The following P4HA3 variants were observed in gnomAD, a reference collection of about 807,000 sequenced individuals.
The protein encoded by P4HA3 is prolyl 4-hydroxylase subunit alpha-3.
P4HA3 carries 60 observed loss-of-function variants against 66.7 expected under a neutral mutation model. The observed-to-expected ratio is 0.90, with a 90% CI of 0.73 to 1.12. The LOEUF (loss-of-function observed/expected upper bound fraction) is 1.12. Among genes scored for constraint, P4HA3 ranks in the 50% most tolerant of loss-of-function variants. P4HA3 has a pLI of 0.00. For missense variants in P4HA3, 683 were observed against 685.8 expected, an observed-to-expected ratio of 1.00 and a Z score of 0.05; for synonymous variants, 263 against 274.6, an observed-to-expected ratio of 0.96 and a Z score of 0.42.
At chr11:74,275,546 A>G (rs1056523306) in intron 9 of P4HA3, among the ~76,000 whole-genome samples, 10 of 152,100 alleles carry the variant, frequency 6.6e-5, no homozygotes, top group Non-Finnish European at 5.9e-5. Context: ...CTCTCCTTAC[A>G]CTGGTACCAC....
intron 7 of P4HA3, among the ~76,000 whole-genome samples, chr11:74,281,930 T>C (rs1402007374): frequency 6.8e-6 from 1 of 147,738 alleles, no homozygotes; most frequent in African/African-American, 2.5e-5. Flanking sequence ...AAAAAATAAA[T>C]AAAATGCAGC....
Position 74,287,397 on chromosome 11 carries a change from T to C in P4HA3, c.770-1006A>G, listed in dbSNP as rs1021972867. Reference sequence around the variant, plus strand: ...TTATAAGCCCAAACCCCAGTGAAAATATTGCAAAGCCGGAAATAAAACTGG... The same window carrying C: ...TTATAAGCCCAAACCCCAGTGAAAACATTGCAAAGCCGGAAATAAAACTGG... On this transcript the variant is annotated intron_variant, in intron 5 of 12. Coordinates refer to ENST00000331597, the MANE Select transcript of P4HA3 (RefSeq NM_182904.5). The C allele has an allele frequency of 8.0e-6, 9 of 1,130,808 alleles. No homozygotes were observed. The South Asian group carries it at 1.0e-4, about 13-fold the overall frequency. The allele number at this position is 1,130,808 out of a possible 1,614,324, so 70.0% of individuals were successfully genotyped here. A position where few individuals can be genotyped will look rare whatever the true frequency, so the allele number is the denominator to read the frequency against.
At chr11:74,255,219 G>C (rs1271473373) in intron 15 of P4HA3, among the ~76,000 whole-genome samples, 1 of 152,154 alleles carries the variant, frequency 6.6e-6, no homozygotes, top group Non-Finnish European at 1.5e-5. Context: ...CATCTCTCCA[G>C]TTGTCCAAAC....
chr11:74,287,390 G>T (rs917478999), intron 5 of P4HA3: 2 of 1,163,890 alleles, frequency 1.7e-6, no homozygotes. Context: ...CCAAACCCCA[G>T]TGAAAATATT....
At chr11:74,253,186 C>T (rs966682564) in intron 15 of P4HA3, among the ~76,000 whole-genome samples, 2 of 152,126 alleles carry the variant, frequency 1.3e-5, no homozygotes, top group Non-Finnish European at 1.5e-5. Flanking sequence ...ACAGAAGCGA[C>T]ACCCCTATGC....
chr11:74,298,398 T>C, intron 3 of P4HA3, 37 bp from the exon 4 acceptor site: 1 of 1,585,684 alleles, frequency 6.3e-7, no homozygotes, highest in Non-Finnish European at 8.6e-7. Flanking sequence ...AAAGCCTTAT[T>C]CCACAGGTAG....
rs530587564 is a variant in P4HA3, at chr11:74,267,047, G to A, written c.*201C>T. 6.3e-5 allele frequency: 96 copies of A among 1,535,940 alleles called. 1 individual carries two copies. In the Middle Eastern group the frequency reaches 8.4e-4, roughly 13 times the overall value. On this transcript the variant is annotated 3_prime_UTR_variant, in exon 13 of 13. Transcript: ENST00000331597. Reference sequence around the variant, plus strand: ...TACTGTGCATCCTACTCTGACTTCCGTGGCTGGGGCAGATCAAATGTACAT... The same window carrying A: ...TACTGTGCATCCTACTCTGACTTCCATGGCTGGGGCAGATCAAATGTACAT...
chr11:74,280,840 A>G (rs962517957), intron 7 of P4HA3, among the ~76,000 whole-genome samples: 17 of 152,144 alleles, frequency 1.1e-4, no homozygotes, highest in African/African-American at 3.6e-4. Flanking sequence ...CTCCTGCTAA[A>G]CCAGATAGAC....
chr11:74,281,418 T>C (rs1340699941), intron 7 of P4HA3, among the ~76,000 whole-genome samples: 4 of 152,194 alleles, frequency 2.6e-5, no homozygotes, highest in East Asian at 1.9e-4. Flanking sequence ...TAAAGACACA[T>C]GCACACGTAT....
intron 15 of P4HA3, among the ~76,000 whole-genome samples, chr11:74,255,546 G>A (rs561302682): frequency 3.3e-5 from 5 of 152,284 alleles, no homozygotes; most frequent in Admixed American, 2.6e-4. Context: ...TCTGAAAAAT[G>A]GAGATAAACC....
chr11:74,302,424 T>A lies in P4HA3; in HGVS notation c.512A>T (p.Tyr171Phe). The A allele has an allele frequency of 6.2e-7, 1 of 1,614,144 alleles. No homozygotes were observed. Among genetic ancestry groups the A allele is most frequent in the Non-Finnish European group, 8.5e-7 (1 of 1,180,024 alleles). Residue 171 changes from tyrosine (Y) to phenylalanine (F), a missense_variant, in exon 3 of 13, where the codon TAC (tyrosine) becomes TTC (phenylalanine). Coordinates refer to ENST00000331597, the MANE Select transcript of P4HA3 (RefSeq NM_182904.5). ...GAGAGAAAAGAGCCGTTTGGGGCTG[T>A]ACAGGTCAGTGATGGCAGAGCCAGT... ...RVTGSAITDL[Y>F]SPKRLFSLTG...
At chr11:74,289,569 A>G (rs935302502) in intron 4 of P4HA3, among the ~76,000 whole-genome samples, 1 of 149,768 alleles carries the variant, frequency 6.7e-6, no homozygotes, top group Non-Finnish European at 1.5e-5. Context: ...AGCATTAGGT[A>G]TATCTCCTAA....
chr11:74,253,656 C>T, intron 15 of P4HA3: 1 of 854,720 alleles, frequency 1.2e-6, no homozygotes, highest in Non-Finnish European at 1.9e-6. Flanking sequence ...GATGTACCAA[C>T]CTTTTCATGT....
downstream of P4HA3, among the ~76,000 whole-genome samples, chr11:74,262,318 G>A (rs1482839600): frequency 6.6e-6 from 1 of 152,114 alleles, no homozygotes; most frequent in African/African-American, 2.4e-5. Context: ...CAAACCTTAG[G>A]GAGAATGGGC....
At chr11:74,251,858 T>A in intron 15 of P4HA3, 1 of 1,023,086 alleles carries the variant, frequency 9.8e-7, no homozygotes, top group Non-Finnish European at 1.5e-6. Flanking sequence ...GTGAAGAGCC[T>A]GGCATGTCTG....
At chr11:74,296,934 C>CTTTTTTTTTTTTTTTTTTTTT (rs540922878) in intron 4 of P4HA3, among the ~76,000 whole-genome samples, 1 of 123,904 alleles carries the variant, frequency 8.1e-6, no homozygotes, top group Non-Finnish European at 1.7e-5. Context: ...TTCTTTTTTT[C>CTTTTTTTTTTTTTTTTTTTTT]TTTTTTTTTT....
intron 15 of P4HA3, chr11:74,254,487 C>T (rs888159147): frequency 6.5e-6 from 1 of 152,950 alleles, no homozygotes; most frequent in African/African-American, 2.4e-5. Context: ...TGTGGCCTGT[C>T]CCTATTGCCC....
At chr11:74,264,423 T>A (rs924594262), downstream of P4HA3, among the ~76,000 whole-genome samples, 2 of 152,182 alleles carry the variant, frequency 1.3e-5, no homozygotes, top group African/African-American at 4.8e-5. Flanking sequence ...CTGCTCATCT[T>A]CAAGATTTGC....
chr11:74,269,627 C>G (rs1860119988), intron 11 of P4HA3, 25 bp downstream of exon 11: 13 of 1,607,206 alleles, frequency 8.1e-6, no homozygotes, highest in Non-Finnish European at 1.1e-5. Context: ...TCAACCCCGT[C>G]TTCTGGGACC....
Sources: gnomAD v4.1 joint callset for allele counts (sites outside exome capture counted in the v4.1 genomes callset) on GRCh38, gnomAD v4.1.1 for gene constraint, MANE v1.5 for transcripts, NCBI Gene and HGNC (gene_info 2026-07-23, HGNC 2026-07-21) for gene names.